DAB1: variants seen among roughly 807,000 people sequenced by gnomAD.
DAB1 encodes disabled homolog 1.
In DAB1, 15 loss-of-function variants were observed where a neutral mutation model predicts 64.6. The observed-to-expected ratio is 0.23, with a 90% CI of 0.16 to 0.36. DAB1 has a LOEUF of 0.36. Ranked by LOEUF, DAB1 falls within the 10% of genes least tolerant of loss-of-function variation. The probability of loss-of-function intolerance (pLI) is 1.00; values close to 1 mark genes in which losing one functional copy is unlikely to be tolerated. For missense variants in DAB1, 596 were observed against 706.7 expected (o/e 0.84, Z 1.78); for synonymous variants, 235 against 251.9 (o/e 0.93, Z 0.64).
chr1:58,071,336 G>C (rs1649234348), intron 5 of DAB1, among the ~76,000 whole-genome samples: 1 of 149,750 alleles, frequency 6.7e-6, no homozygotes, highest in South Asian at 2.1e-4. Context: ...AGAAGAAATA[G>C]GAACTCTACC....
intron 4 of DAB1, among the ~76,000 whole-genome samples, chr1:58,277,283 G>A (rs1229550473): frequency 1.3e-5 from 2 of 151,840 alleles, no homozygotes; most frequent in African/African-American, 2.4e-5. Context: ...TAGGTGATCC[G>A]CCCACCTCAG....
chr1:58,218,714 G>C (rs897378062), intron 4 of DAB1, among the ~76,000 whole-genome samples: 2 of 152,142 alleles, frequency 1.3e-5, no homozygotes, highest in Admixed American at 1.3e-4. Context: ...AGCTAACAGA[G>C]TCAAATATTT....
At chr1:58,152,507 C>T (rs531416690) in intron 4 of DAB1, among the ~76,000 whole-genome samples, 2 of 152,322 alleles carry the variant, frequency 1.3e-5, no homozygotes, top group South Asian at 4.2e-4. Flanking sequence ...CAAAGTACTA[C>T]CTGTGCACCT....
intron 2 of DAB1, among the ~76,000 whole-genome samples, chr1:57,279,394 T>C (rs753911297): frequency 1.3e-5 from 2 of 152,246 alleles, no homozygotes; most frequent in Non-Finnish European, 2.9e-5. Flanking sequence ...TTAATTGTTG[T>C]ATTTTTTGCC....
At chr1:57,122,440 C>G (rs1177418519) in intron 4 of DAB1, among the ~76,000 whole-genome samples, 1 of 152,130 alleles carries the variant, frequency 6.6e-6, no homozygotes, top group Non-Finnish European at 1.5e-5. Flanking sequence ...TTAGCTCTCC[C>G]AAACATGTTC....
chr1:58,495,742 G>A (rs1175733915), intron 3 of DAB1, among the ~76,000 whole-genome samples: 1 of 151,776 alleles, frequency 6.6e-6, no homozygotes, highest in Non-Finnish European at 1.5e-5. Context: ...TCATACCAAA[G>A]TGTATTAGTT....
At chr1:58,537,135 A>G (rs1646531254) in intron 1 of DAB1, among the ~76,000 whole-genome samples, 1 of 151,916 alleles carries the variant, frequency 6.6e-6, no homozygotes, top group Non-Finnish European at 1.5e-5. Flanking sequence ...ACCCTGTTAC[A>G]GAAGATAAAA....
chr1:58,059,912 T>A (rs1648382164), intron 5 of DAB1, among the ~76,000 whole-genome samples: 1 of 152,192 alleles, frequency 6.6e-6, no homozygotes, highest in African/African-American at 2.4e-5. Context: ...GTCCTTATGC[T>A]AGGCAACGAT....
intron 3 of DAB1, among the ~76,000 whole-genome samples, chr1:58,424,494 G>T (rs916505894): frequency 2.0e-5 from 3 of 152,256 alleles, no homozygotes; most frequent in African/African-American, 7.2e-5. Flanking sequence ...TTTCTAGATG[G>T]CTCCCACATA....
intron 9 of DAB1, among the ~76,000 whole-genome samples, chr1:57,054,679 C>T (rs1010393608): frequency 2.0e-5 from 3 of 151,998 alleles, no homozygotes; most frequent in African/African-American, 7.3e-5. Context: ...GGTGTTTCAC[C>T]GTGTTAGCCA....
At chr1:57,715,487 G>A (rs1226726983) in intron 6 of DAB1, among the ~76,000 whole-genome samples, 3 of 152,124 alleles carry the variant, frequency 2.0e-5, no homozygotes, top group Admixed American at 2.0e-4. Flanking sequence ...TTGGGAAAAA[G>A]GAAGCCAAAT....
intron 5 of DAB1, among the ~76,000 whole-genome samples, chr1:58,004,737 CCT>C (rs2100413323): frequency 6.6e-6 from 1 of 152,158 alleles, no homozygotes; most frequent in South Asian, 2.1e-4. Flanking sequence ...ACGCACGTGC[CCT>C]GTTTTCTCAT....
chr1:57,455,293 G>A (rs552321889), intron 7 of DAB1, among the ~76,000 whole-genome samples: 2 of 152,230 alleles, frequency 1.3e-5, no homozygotes, highest in Admixed American at 1.3e-4. Context: ...CAGGTGCTGT[G>A]CTTGATATTT....
chr1:58,073,554 G>C (rs1291316914), intron 5 of DAB1, among the ~76,000 whole-genome samples: 1 of 152,214 alleles, frequency 6.6e-6, no homozygotes, highest in African/African-American at 2.4e-5. Flanking sequence ...CTGAAACATA[G>C]TAAGTCCTTC....
chr1:58,438,232 T>C (rs1467415798), intron 3 of DAB1, among the ~76,000 whole-genome samples: 1 of 152,190 alleles, frequency 6.6e-6, no homozygotes, highest in Non-Finnish European at 1.5e-5. Context: ...TTCTGCCTAA[T>C]ACATGGGGAC....
chr1:57,783,687 G>A (rs144542871), intron 6 of DAB1, among the ~76,000 whole-genome samples: 8 of 152,228 alleles, frequency 5.3e-5, no homozygotes, highest in East Asian at 1.9e-4. Context: ...TGGTCACTTC[G>A]TGTCTGTGTC....
chr1:57,760,601 T>TTCTCTCTCTCTC (rs140338730), intron 6 of DAB1, among the ~76,000 whole-genome samples: 2 of 105,324 alleles, frequency 1.9e-5, no homozygotes, highest in African/African-American at 8.1e-5. Flanking sequence ...CTCAACTTCT[T>TTCTCTCTCTCTC]TCTCTCTCTC....
intron 4 of DAB1, among the ~76,000 whole-genome samples, chr1:58,322,579 G>A (rs1219875841): frequency 6.7e-6 from 1 of 149,942 alleles, no homozygotes; most frequent in Non-Finnish European, 1.5e-5. Flanking sequence ...TCATTAAAAA[G>A]TCAGGAAACA....
At chr1:58,530,289 C>T (rs181753062) in intron 1 of DAB1, among the ~76,000 whole-genome samples, 5 of 152,224 alleles carry the variant, frequency 3.3e-5, no homozygotes, top group African/African-American at 4.8e-5. Context: ...TCAGTTACTA[C>T]GAAAGGAAGG....
Sources: gnomAD v4.1 joint callset for allele counts (sites outside exome capture counted in the v4.1 genomes callset) on GRCh38, gnomAD v4.1.1 for gene constraint, MANE v1.5 for transcripts, NCBI Gene and HGNC (gene_info 2026-07-23, HGNC 2026-07-21) for gene names.